Variants in MTUS2 observed in about 807,000 individuals in gnomAD.
MTUS2 encodes the protein microtubule-associated tumor suppressor candidate 2.
In MTUS2, 40 loss-of-function variants were observed where a neutral mutation model predicts 114.1. That is an observed-to-expected ratio of 0.35 (90% CI 0.27 to 0.46). The LOEUF (loss-of-function observed/expected upper bound fraction) is 0.46. Ranked by LOEUF, MTUS2 falls within the 20% of genes least tolerant of loss-of-function variation. The pLI is 1.00. For missense variants in MTUS2, 1,679 were observed against 1,705.4 expected (o/e 0.98, Z 0.27); for synonymous variants, 688 against 672.0 (o/e 1.02, Z -0.37).
chr13:28,884,201 A>G (rs541927468), intron 2 of MTUS2, among the ~76,000 whole-genome samples: 4 of 152,330 alleles, frequency 2.6e-5, no homozygotes, highest in African/African-American at 9.6e-5. Context: ...GTATATACAT[A>G]TGATGGAATA....
At chr13:29,313,490 G>A (rs573085688) in intron 6 of MTUS2, among the ~76,000 whole-genome samples, 23 of 152,230 alleles carry the variant, frequency 1.5e-4, no homozygotes, top group African/African-American at 3.6e-4. Context: ...GGAGATATCC[G>A]AAGAGAAACA....
At chr13:29,222,004 A>C (rs1356259527) in intron 5 of MTUS2, among the ~76,000 whole-genome samples, 2 of 152,160 alleles carry the variant, frequency 1.3e-5, no homozygotes, top group African/African-American at 4.8e-5. Flanking sequence ...GTGGCTATTT[A>C]TAGGCACCAT....
intron 7 of MTUS2, among the ~76,000 whole-genome samples, chr13:29,351,229 A>G (rs1869238299): frequency 6.6e-6 from 1 of 152,100 alleles, no homozygotes; most frequent in Non-Finnish European, 1.5e-5. Context: ...AATATCAAAG[A>G]AAATCAACTG....
At chr13:29,094,630 G>A (rs1315412521) in intron 4 of MTUS2, among the ~76,000 whole-genome samples, 1 of 151,894 alleles carries the variant, frequency 6.6e-6, no homozygotes, top group African/African-American at 2.4e-5. Flanking sequence ...AAAGAACTAG[G>A]ATTTTGTTTT....
intron 12 of MTUS2, among the ~76,000 whole-genome samples, chr13:29,495,894 T>C (rs9550476): frequency 2.4e-4 from 37 of 151,436 alleles, no homozygotes; most frequent in Middle Eastern, 6.8e-3. Context: ...GTCTCTCTTT[T>C]TCTCTCTCTC....
chr13:28,964,864 C>G (rs537820970), intron 2 of MTUS2, among the ~76,000 whole-genome samples: 11 of 151,494 alleles, frequency 7.3e-5, no homozygotes, highest in Non-Finnish European at 1.5e-4. Flanking sequence ...TCTCTGCGTT[C>G]CCGAGCTCAA....
chr13:29,060,792 G>T (rs1306998690), intron 4 of MTUS2, among the ~76,000 whole-genome samples: 1 of 130,538 alleles, frequency 7.7e-6, no homozygotes, highest in Non-Finnish European at 1.6e-5. Flanking sequence ...CTTTCATTTG[G>T]ATTAGTTGAC....
rs1258846255 is a variant in MTUS2, at chr13:28,884,685, G to T, written c.-243+44835G>T. 2.6e-5 allele frequency among the ~76,000 whole-genome samples: 4 copies of T among 152,184 alleles called. No individual in the cohort carries two copies. In the East Asian group the frequency reaches 7.7e-4, roughly 29 times the overall value. On this transcript the variant is annotated intron_variant, in intron 2 of 15. Coordinates refer to ENST00000612955, the MANE Select transcript of MTUS2 (RefSeq NM_001033602.4). Reference sequence around the variant, plus strand: ...GAATGAAGTTTGTAGATGTACCAATGCAGTTTTCTGGTTTGATATTTTACT... The same window carrying T: ...GAATGAAGTTTGTAGATGTACCAATTCAGTTTTCTGGTTTGATATTTTACT...
At chr13:29,207,925 G>A (rs912644124) in intron 5 of MTUS2, among the ~76,000 whole-genome samples, 11 of 152,026 alleles carry the variant, frequency 7.2e-5, no homozygotes, top group African/African-American at 2.4e-4. Flanking sequence ...TAGTATTAGG[G>A]TGATACTGGC....
At chr13:28,861,366 C>A (rs969582567) in intron 2 of MTUS2, among the ~76,000 whole-genome samples, 12 of 151,838 alleles carry the variant, frequency 7.9e-5, no homozygotes, top group African/African-American at 2.7e-4. Flanking sequence ...GCCCGACAGG[C>A]CTGGCATGGG....
At chr13:29,072,666 A>G (rs1390615743) in intron 4 of MTUS2, among the ~76,000 whole-genome samples, 1 of 152,210 alleles carries the variant, frequency 6.6e-6, no homozygotes, top group Non-Finnish European at 1.5e-5. Context: ...CTCACAAAAA[A>G]TATTGTTTCT....
intron 9 of MTUS2, among the ~76,000 whole-genome samples, chr13:29,441,140 C>G (rs566631201): frequency 1.3e-5 from 2 of 152,176 alleles, no homozygotes; most frequent in South Asian, 4.2e-4. Flanking sequence ...GTGTGTGATC[C>G]GGAGCAGCAG....
At chr13:28,829,478 G>A (rs1221830270) in intron 1 of MTUS2, among the ~76,000 whole-genome samples, 2 of 152,012 alleles carry the variant, frequency 1.3e-5, no homozygotes, top group East Asian at 1.9e-4. Context: ...GTTGCAGTGA[G>A]CTGAGATTGC....
At position 29,033,893 on chromosome 13, in the gene MTUS2, C is replaced by A. The variant is rs990108229; in HGVS notation, c.2214C>A (p.Asp738Glu). 1.9e-6 allele frequency: 3 copies of A among 1,613,748 alleles called. No homozygotes were observed. The highest frequency in any genetic ancestry group is 1.7e-5 in the Admixed American group (1 of 59,982). The change falls in exon 4 of 16, where the codon GAC (aspartate) becomes GAA (glutamate). Residue 738 changes from aspartate to glutamate, a missense_variant. Asp to Glu is a conservative substitution (Grantham distance 45, BLOSUM62 2). Coordinates refer to ENST00000612955, the MANE Select transcript of MTUS2 (RefSeq NM_001033602.4). ...TTGTTCATTTATCATAGGTTACAGA[C>A]CACCCTGGAAAAGAAGAGTTTTGTT... ...MSEKFLQEVT[D>E]HPGKEEFCSP...
At chr13:29,493,255 G>T (rs1158776751) in intron 12 of MTUS2, among the ~76,000 whole-genome samples, 2 of 152,166 alleles carry the variant, frequency 1.3e-5, no homozygotes, top group African/African-American at 4.8e-5. Flanking sequence ...CTGGTGTCCT[G>T]CAGGCCTCTA....
At chr13:29,439,843 T>C (rs1008287133) in intron 8 of MTUS2, 140 bp from the exon 9 acceptor site, 6 of 716,806 alleles carry the variant, frequency 8.4e-6, no homozygotes, top group African/African-American at 1.8e-5. Context: ...AGTTTTTACA[T>C]GCTTATATAA....
At chr13:29,428,743 C>T in intron 8 of MTUS2, 1 of 1,583,054 alleles carries the variant, frequency 6.3e-7, no homozygotes, top group Non-Finnish European at 8.6e-7. Flanking sequence ...GTGACAGCTC[C>T]CAGCGGCGCG....
At chr13:29,175,225 TTAAA>T (rs1400049594) in intron 5 of MTUS2, among the ~76,000 whole-genome samples, 3 of 152,200 alleles carry the variant, frequency 2.0e-5, no homozygotes, top group African/African-American at 7.2e-5. Flanking sequence ...AATTTATTCT[TTAAA>T]TAATGAAAGA....
chr13:29,365,452 TGCC>T (rs1490906799), intron 8 of MTUS2, among the ~76,000 whole-genome samples: 1 of 151,714 alleles, frequency 6.6e-6, no homozygotes, highest in Admixed American at 6.6e-5. Flanking sequence ...GAAAACTAAT[TGCC>T]CCATTCAGCT....
Sources: gnomAD v4.1 joint callset for allele counts (sites outside exome capture counted in the v4.1 genomes callset) on GRCh38, gnomAD v4.1.1 for gene constraint, MANE v1.5 for transcripts, NCBI Gene and HGNC (gene_info 2026-07-23, HGNC 2026-07-21) for gene names.